Variants in SLC5A8 observed in about 807,000 individuals in gnomAD.
The protein encoded by SLC5A8 is sodium-coupled monocarboxylate transporter 1.
In SLC5A8, 55 loss-of-function variants were observed where a neutral mutation model predicts 71.9. That is an observed-to-expected ratio of 0.77 (90% CI 0.62 to 0.96). The LOEUF (loss-of-function observed/expected upper bound fraction) is 0.96, where lower values mean the gene tolerates loss of function less well. SLC5A8 is among the 40% of genes least tolerant of loss of function. The pLI, the probability that SLC5A8 is intolerant of heterozygous loss-of-function variation, is 0.00. For synonymous variants in SLC5A8, 307 were observed against 276.1 expected, an observed-to-expected ratio of 1.11 and a Z score of -1.11; for missense variants, 701 against 745.3, an observed-to-expected ratio of 0.94 and a Z score of 0.69.
intron 6 of SLC5A8, among the ~76,000 whole-genome samples, chr12:101,188,085 A>G (rs971801940): frequency 2.0e-5 from 3 of 152,336 alleles, no homozygotes; most frequent in East Asian, 1.9e-4. Context: ...GTTTACACAC[A>G]GCACTGGAGC....
intron 5 of SLC5A8, 47 bp from the exon 6 acceptor site, chr12:101,190,655 T>TA (rs749802051): frequency 1.2e-5 from 18 of 1,523,524 alleles, no homozygotes; most frequent in Admixed American, 2.4e-5. Context: ...TAGCAGAGAC[T>TA]AAAAAAAATT....
chr12:101,200,873 C>T (rs993124399), intron 3 of SLC5A8, among the ~76,000 whole-genome samples: 1 of 152,022 alleles, frequency 6.6e-6, no homozygotes, highest in African/African-American at 2.4e-5. Flanking sequence ...GAGGTTAGAC[C>T]TAGAGAATGT....
rs759809660 is a variant in SLC5A8 at position 101,202,159 on chromosome 12, T to C, written c.469+5A>G. The C allele has an allele frequency of 6.2e-7, 1 of 1,611,380 alleles. No individual in the cohort carries two copies. The highest frequency in any genetic ancestry group is 1.7e-5 in the Admixed American group (1 of 59,734). On this transcript the variant is annotated splice_donor_5th_base_variant and intron_variant, in intron 3 of 14. Coordinates refer to ENST00000536262, the MANE Select transcript of SLC5A8 (RefSeq NM_145913.5). ...AGTTACCTAACTGGCAACTCTAAAA[T>C]GTACCTTGATTCAAAGCCAGGGCAG...
At chr12:101,192,385 A>G (rs908168766) in intron 5 of SLC5A8, among the ~76,000 whole-genome samples, 2 of 142,326 alleles carry the variant, frequency 1.4e-5, no homozygotes, top group Non-Finnish European at 3.0e-5. Context: ...AGAAGACCAG[A>G]AAAGAGCCAC....
chr12:101,201,656 C>G (rs1320691487), intron 3 of SLC5A8, among the ~76,000 whole-genome samples: 2 of 152,210 alleles, frequency 1.3e-5, no homozygotes, highest in African/African-American at 4.8e-5. Flanking sequence ...TGTAAGGGCA[C>G]TACAGACATC....
chr12:101,191,440 C>T (rs1868905247), intron 5 of SLC5A8, among the ~76,000 whole-genome samples: 1 of 152,134 alleles, frequency 6.6e-6, no homozygotes, highest in Non-Finnish European at 1.5e-5. Context: ...GTTAAGTGCT[C>T]TAATTGTATG....
At chr12:101,158,582 CTCTCTCTCTCTCTCTCTA>C (rs1467882236) in intron 13 of SLC5A8, among the ~76,000 whole-genome samples, 112 of 51,286 alleles carry the variant, frequency 2.2e-3, no homozygotes, top group African/African-American at 9.6e-3. Context: ...CTCTCTCTCT[CTCTCTCTCTCTCTCTCTA>C]TATATATATA....
At chr12:101,158,209 G>T in intron 14 of SLC5A8, 40 bp downstream of exon 14, 1 of 1,374,876 alleles carries the variant, frequency 7.3e-7, no homozygotes, top group Non-Finnish European at 1.0e-6. Flanking sequence ...AGGTAATAAA[G>T]CCCAGTTTCC....
chr12:101,156,505 A>C lies in SLC5A8; in HGVS notation c.*774T>G, dbSNP rs1051924898. 1 of 152,200 alleles carries C rather than the reference A, an allele frequency of 6.6e-6. No individual in the cohort carries two copies. The highest frequency in any genetic ancestry group is 1.9e-4 in the East Asian group (1 of 5,194). The allele number at this position is 152,200 out of a possible 1,614,324, so 9.4% of individuals were successfully genotyped here. A position where few individuals can be genotyped will look rare whatever the true frequency, so the allele number is the denominator to read the frequency against. Reference sequence around the variant, plus strand: ...CCAGGGCAATAAACAGAAAATTATGAAGACAAGCTCAGTTAGAGTGCACAA... The same window carrying C: ...CCAGGGCAATAAACAGAAAATTATGCAGACAAGCTCAGTTAGAGTGCACAA... On this transcript the variant is annotated 3_prime_UTR_variant, in exon 15 of 15. Transcript: ENST00000536262.
intron 10 of SLC5A8, among the ~76,000 whole-genome samples, chr12:101,176,235 A>G (rs1187209686): frequency 6.6e-6 from 1 of 152,044 alleles, no homozygotes; most frequent in African/African-American, 2.4e-5. Context: ...CAGCAAAAAA[A>G]TTTCTCAGAG....
chr12:101,196,050 A>G (rs1869164256), intron 3 of SLC5A8, among the ~76,000 whole-genome samples: 1 of 152,162 alleles, frequency 6.6e-6, no homozygotes, highest in Admixed American at 6.5e-5. Flanking sequence ...GGTTTGTTAC[A>G]TAGGTGATCT....
intron 12 of SLC5A8, among the ~76,000 whole-genome samples, chr12:101,162,958 G>A (rs1465726730): frequency 1.3e-5 from 2 of 152,282 alleles, no homozygotes; most frequent in Non-Finnish European, 2.9e-5. Flanking sequence ...ACAAGATGAT[G>A]TGCTATTAAC....
intron 3 of SLC5A8, among the ~76,000 whole-genome samples, chr12:101,200,326 C>T (rs1470976003): frequency 2.0e-5 from 3 of 151,974 alleles, no homozygotes; most frequent in Admixed American, 6.6e-5. Flanking sequence ...AGCTATTAGG[C>T]AACTACTAAA....
chr12:101,166,647 A>G lies in SLC5A8; in HGVS notation c.1373T>C (p.Ile458Thr), dbSNP rs1169073755. The G allele has an allele frequency of 3.7e-6, 6 of 1,613,598 alleles. No homozygotes were observed. The South Asian group carries it at 5.5e-5, about 15-fold the overall frequency. ...AGFAISLWVG[I>T]GAQIYPPLPE... ...AAGTGGAGGATATATTTGAGCTCCAATTCCAACCCATAGAGAAATGGCAAA... is the reference window on the plus strand; with the variant it reads ...AAGTGGAGGATATATTTGAGCTCCAGTTCCAACCCATAGAGAAATGGCAAA... The change falls in exon 12 of 15, where the codon ATT becomes ACT. Residue 458 changes from isoleucine to threonine, a missense_variant. By Grantham distance (89) the Ile-to-Thr change is moderately conservative (BLOSUM62 -1). Coordinates refer to ENST00000536262, the MANE Select transcript of SLC5A8 (RefSeq NM_145913.5).
intron 3 of SLC5A8, among the ~76,000 whole-genome samples, chr12:101,200,542 TTC>T (rs1295080730): frequency 2.6e-5 from 4 of 152,082 alleles, no homozygotes; most frequent in African/African-American, 9.7e-5. Context: ...TGGATCCTGA[TTC>T]TTATAAACAC....
At chr12:101,207,729 A>G (rs765895251) in intron 1 of SLC5A8, among the ~76,000 whole-genome samples, 1 of 152,172 alleles carries the variant, frequency 6.6e-6, no homozygotes, top group Admixed American at 6.5e-5. Context: ...ATCAGGTAAC[A>G]TACATAAGTG....
At chr12:101,172,027 G>A (rs1055012573) in intron 10 of SLC5A8, among the ~76,000 whole-genome samples, 1 of 152,182 alleles carries the variant, frequency 6.6e-6, no homozygotes, top group African/African-American at 2.4e-5. Context: ...GGAGGACACA[G>A]AACTAAGCAA....
chr12:101,190,697 A>T, intron 5 of SLC5A8, 89 bp from the exon 6 acceptor site: 1 of 1,095,028 alleles, frequency 9.1e-7, no homozygotes, highest in Non-Finnish European at 1.3e-6. Flanking sequence ...CAAGCAATGC[A>T]CATTTATATA....
chr12:101,177,444 TACACACACACACACACACAC>T (rs60836789), intron 10 of SLC5A8, among the ~76,000 whole-genome samples: 5 of 94,426 alleles, frequency 5.3e-5, no homozygotes, highest in Admixed American at 3.0e-4. Context: ...AGGCAGTATA[TACACACACACACACACACAC>T]ACACACACAC....
Sources: allele counts gnomAD v4.1 joint callset (sites outside exome capture counted in the v4.1 genomes callset), GRCh38; gene constraint gnomAD v4.1.1; transcripts MANE v1.5; gene names NCBI Gene and HGNC (gene_info 2026-07-23, HGNC 2026-07-21).